PRSS41: variants seen among roughly 807,000 people sequenced by gnomAD.
PRSS41 encodes the protein serine protease 41, also known as protease, serine 41.
In PRSS41, 37 loss-of-function variants were observed where a neutral mutation model predicts 28.8. The ratio of observed to expected loss-of-function variants is 1.29; its 90% CI spans 0.99 to 1.69. PRSS41 has a LOEUF of 1.69. Ranked by LOEUF, PRSS41 falls within the 40% of genes most tolerant of loss-of-function variation. The probability of loss-of-function intolerance (pLI) is 0.00; values close to 1 mark genes in which losing one functional copy is unlikely to be tolerated. For synonymous variants in PRSS41, 195 were observed against 163.1 expected, an observed-to-expected ratio of 1.20 and a Z score of -1.49; for missense variants, 431 against 400.7, an observed-to-expected ratio of 1.08 and a Z score of -0.65.
intron 4 of PRSS41, 88 bp from the exon 5 acceptor site, chr16:2,804,301 C>T: frequency 7.0e-7 from 1 of 1,432,914 alleles, no homozygotes; most frequent in Non-Finnish European, 9.5e-7. Flanking sequence ...CTTCTCCCCA[C>T]CCCTATAACA....
At chr16:2,805,084 A>G in exon 6 of PRSS41, 1 of 1,551,906 alleles carries the variant, frequency 6.4e-7, no homozygotes, top group Non-Finnish European at 8.7e-7. Context: ...CACCCAGGCC[A>G]AACCCCTCCC....
chr16:2,801,890 GGGCTCCTC>G (rs1212224549), intron 4 of PRSS41, among the ~76,000 whole-genome samples: 43 of 151,402 alleles, frequency 2.8e-4, no homozygotes, highest in African/African-American at 8.2e-4. Context: ...CCGGGCAGAG[GGGCTCCTC>G]ACTTCCCAGT....
chr16:2,803,167 A>C (rs967491575), intron 4 of PRSS41, among the ~76,000 whole-genome samples: 8 of 152,220 alleles, frequency 5.3e-5, no homozygotes, highest in African/African-American at 1.9e-4. Context: ...CAGATCTGCA[A>C]AGAATGACTT....
In PRSS41 at chr16:2,799,133, G is replaced by A. The variant is rs187729803; in HGVS notation, c.257+9G>A. 457 of 1,513,598 alleles carry A rather than the reference G, an allele frequency of 3.0e-4. No homozygotes were observed. The African/African-American group carries it at 5.7e-3, about 19-fold the overall frequency. 93.8% of individuals were successfully genotyped at this position (1,513,598 alleles called of 1,614,324 possible). On this transcript the variant is annotated intron_variant, in intron 3 of 5. Coordinates refer to ENST00000399677, the Ensembl canonical transcript of PRSS41. ...GCGCACTGCTTCCAAAAGTGAGTCT[G>A]GGGGGCGGCCGGGGCCTCAGACTTG...
rs116781500 is a variant in PRSS41, at chr16:2,801,138, C to T, written c.541+1569C>T. Among the ~76,000 whole-genome samples the T allele has an allele frequency of 2.1e-3, 320 of 152,200 alleles. 1 individual carries two copies. Among genetic ancestry groups the T allele is most frequent in the African/African-American group, 7.3e-3 (304 of 41,516 alleles). Reference sequence around the variant, plus strand: ...ACAGGTGTGAGCCACGGTGCCCAGCCGTTTTATCAATTATTAATAGTGAGC... The same window carrying T: ...ACAGGTGTGAGCCACGGTGCCCAGCTGTTTTATCAATTATTAATAGTGAGC... On this transcript the variant is annotated intron_variant, in intron 4 of 5. Transcript: ENST00000399677.
intron 2 of PRSS41, 50 bp from the exon 3 acceptor site, chr16:2,798,909 C>CG: frequency 3.3e-6 from 2 of 612,972 alleles, no homozygotes; most frequent in Non-Finnish European, 5.2e-6. Flanking sequence ...GGCGGGCCTG[C>CG]CCACCCCACC....
At chr16:2,804,042 A>G (rs1036549176) in intron 4 of PRSS41, among the ~76,000 whole-genome samples, 1 of 152,186 alleles carries the variant, frequency 6.6e-6, no homozygotes, top group East Asian at 1.9e-4. Flanking sequence ...CACAGCTGTC[A>G]TGTGTTAATC....
intron 4 of PRSS41, among the ~76,000 whole-genome samples, chr16:2,800,410 G>A (rs535785855): frequency 3.3e-5 from 5 of 152,026 alleles, no homozygotes; most frequent in African/African-American, 1.2e-4. Context: ...GTGTGGGGGC[G>A]GGTGCCTGTA....
chr16:2,798,762 C>T (rs2068964928), intron 2 of PRSS41, 100 bp downstream of exon 2: 1 of 1,259,256 alleles, frequency 7.9e-7, no homozygotes, highest in East Asian at 2.9e-5. Flanking sequence ...GAACGTGATG[C>T]TCTCAAGTAA....
chr16:2,801,349 AT>A lies in PRSS41; in HGVS notation c.541+1790del, dbSNP rs535878171. Among the ~76,000 whole-genome samples the A allele has an allele frequency of 1.5e-4, 22 of 145,286 alleles. 1 individual carries two copies. The highest frequency in any genetic ancestry group is 6.1e-4 in the Admixed American group (9 of 14,694). ...TCTTGGACTCTTATTTTTTTTTTTA[AT>A]TTTTTTTTTATTGATAATTCTTGGG... On this transcript the variant is annotated intron_variant, in intron 4 of 5. Coordinates refer to ENST00000399677, the Ensembl canonical transcript of PRSS41.
chr16:2,804,782 T>C, intron 5 of PRSS41, 132 bp from the exon 6 acceptor site: 1 of 848,170 alleles, frequency 1.2e-6, no homozygotes, highest in South Asian at 1.7e-5. Context: ...GTGTAGAAAC[T>C]GAGACTTGAT....
chr16:2,803,391 T>G (rs780531437), intron 4 of PRSS41, among the ~76,000 whole-genome samples: 1 of 152,202 alleles, frequency 6.6e-6, no homozygotes, highest in African/African-American at 2.4e-5. Context: ...TATAATAACC[T>G]ACTTTGAATT....
At chr16:2,798,987 G>A in exon 3 of PRSS41, 1 of 1,520,368 alleles carries the variant, frequency 6.6e-7, no homozygotes, top group Non-Finnish European at 8.8e-7. Flanking sequence ...AAATTCACGC[G>A]CTGGTGGCGG....
intron 4 of PRSS41, 135 bp downstream of exon 4, chr16:2,799,704 T>C (rs1444527628): frequency 1.1e-6 from 1 of 892,060 alleles, no homozygotes; most frequent in Non-Finnish European, 1.7e-6. Context: ...CCTGCTCTCA[T>C]TCTCTCCTCA....
At chr16:2,798,521 C>T (rs577479475) in exon 1 of PRSS41, 2 of 1,519,700 alleles carry the variant, frequency 1.3e-6, no homozygotes, top group Non-Finnish European at 1.8e-6. Context: ...GGCGCTGCTG[C>T]TGGCTCGGGC....
intron 4 of PRSS41, among the ~76,000 whole-genome samples, chr16:2,802,593 T>A (rs1001189476): frequency 6.6e-6 from 1 of 152,188 alleles, no homozygotes; most frequent in Admixed American, 6.5e-5. Context: ...CTGGGCACCA[T>A]TGAGCACTGA....
chr16:2,802,101 C>T (rs1446942604), intron 4 of PRSS41, among the ~76,000 whole-genome samples: 2 of 150,876 alleles, frequency 1.3e-5, no homozygotes, highest in Admixed American at 6.6e-5. Flanking sequence ...GGCTGCCGGG[C>T]GGAGAGGCTC....
intron 4 of PRSS41, among the ~76,000 whole-genome samples, chr16:2,801,974 C>G (rs1387145558): frequency 6.9e-6 from 1 of 144,706 alleles, no homozygotes; most frequent in South Asian, 2.2e-4. Flanking sequence ...GGGGGGCTGA[C>G]CCCCCCACCT....
Position 2,799,383 on chromosome 16 carries a change from C to T in PRSS41, c.355C>T (p.Gln119Ter), listed in dbSNP as rs2068970865. ...GGCCTACAGCAGTCGTTACAAAGTG[C>T]AGGACATCATTGTGAACCCTGACGC... Residue 119 changes from glutamine to a stop codon, truncating the protein, a stop_gained, in exon 4 of 6, where the codon CAG becomes TAG. Coordinates refer to ENST00000399677, the Ensembl canonical transcript of PRSS41. LOFTEE classifies it high-confidence loss of function. 2.6e-6 allele frequency: 4 copies of T among 1,552,034 alleles called. No homozygotes were observed. The highest frequency in any genetic ancestry group is 3.5e-6 in the Non-Finnish European group (4 of 1,147,068).
Sources: gnomAD v4.1 joint callset for allele counts (sites outside exome capture counted in the v4.1 genomes callset) on GRCh38, gnomAD v4.1.1 for gene constraint, MANE v1.5 for transcripts, NCBI Gene and HGNC (gene_info 2026-07-23, HGNC 2026-07-21) for gene names.